AGMO: variants seen among roughly 807,000 people sequenced by gnomAD.
AGMO encodes the protein alkylglycerol monooxygenase.
In AGMO, 75 loss-of-function variants were observed where a neutral mutation model predicts 60.2. The ratio of observed to expected loss-of-function variants is 1.25; its 90% CI spans 1.03 to 1.51. The LOEUF (loss-of-function observed/expected upper bound fraction) is 1.51, where lower values mean the gene tolerates loss of function less well. Ranked by LOEUF, AGMO falls within the 40% of genes most tolerant of loss-of-function variation. The pLI is 0.00. For synonymous variants in AGMO, 261 were observed against 177.1 expected, an observed-to-expected ratio of 1.47 and a Z score of -3.76; for missense variants, 763 against 525.5, an observed-to-expected ratio of 1.45 and a Z score of -4.42.
At chr7:15,279,123 C>A (rs578084904) in intron 12 of AGMO, among the ~76,000 whole-genome samples, 1 of 152,224 alleles carries the variant, frequency 6.6e-6, no homozygotes, top group Admixed American at 6.5e-5. Context: ...TCAGGCAGCT[C>A]CCTGATTACT....
At chr7:15,197,929 T>C (rs905792333), downstream of AGMO, among the ~76,000 whole-genome samples, 5 of 152,164 alleles carry the variant, frequency 3.3e-5, no homozygotes, top group East Asian at 1.9e-4. Flanking sequence ...TGGTCACTTA[T>C]TACATTTCAT....
At chr7:15,266,343 A>G (rs866017478) in intron 12 of AGMO, among the ~76,000 whole-genome samples, 1 of 152,070 alleles carries the variant, frequency 6.6e-6, no homozygotes, top group Non-Finnish European at 1.5e-5. Context: ...ATTGAAATAA[A>G]CAAAAATTGT....
At chr7:15,416,027 C>CTTTTT (rs759040945) in intron 5 of AGMO, among the ~76,000 whole-genome samples, 23 of 130,890 alleles carry the variant, frequency 1.8e-4, no homozygotes, top group African/African-American at 2.5e-4. Context: ...TTCTTTTTTT[C>CTTTTT]TTTTTTTTTT....
intron 12 of AGMO, among the ~76,000 whole-genome samples, chr7:15,282,892 CT>C (rs1784008070): frequency 6.6e-6 from 1 of 152,168 alleles, no homozygotes; most frequent in Admixed American, 6.5e-5. Flanking sequence ...CAGCAGACTT[CT>C]CAGCAGAAAC....
In AGMO at chr7:15,394,120, A is replaced by T. The variant is rs761697067; in HGVS notation, c.669T>A (p.Val223=). 6.2e-7 allele frequency: 1 copy of T among 1,610,398 alleles called. No individual in the cohort carries two copies. Among genetic ancestry groups the T allele is most frequent in the Non-Finnish European group, 8.5e-7 (1 of 1,177,350 alleles). ...GAAACAAAACTTCCTTACCATGATG[A>T]ACCCTATGATGGCTAGGAGTATTAA... ...LILNTPSHHR[V]HHGRNRYCID... The change falls in exon 6 of 13, where the codon GTT becomes GTA. Residue 223 remains valine (V), a synonymous_variant. Coordinates refer to ENST00000342526, the MANE Select transcript of AGMO (RefSeq NM_001004320.2).
At chr7:15,535,072 G>A (rs930049051) in intron 3 of AGMO, among the ~76,000 whole-genome samples, 6 of 151,788 alleles carry the variant, frequency 4.0e-5, no homozygotes, top group African/African-American at 1.5e-4. Flanking sequence ...TACAGATAAG[G>A]AAACACAAAG....
chr7:15,148,866 G>T, the AGMO span, among the ~76,000 whole-genome samples: 2 of 152,048 alleles, frequency 1.3e-5, no homozygotes, highest in African/African-American at 4.8e-5. Flanking sequence ...TCAAATGGTG[G>T]TTCTATTTCT....
intron 12 of AGMO, among the ~76,000 whole-genome samples, chr7:15,342,203 A>G (rs1300791668): frequency 6.8e-6 from 1 of 147,776 alleles, no homozygotes; most frequent in African/African-American, 2.5e-5. Flanking sequence ...AAAAGGACTA[A>G]GTCCTGAAGC....
At chr7:15,389,700 C>G (rs1055251491) in intron 8 of AGMO, among the ~76,000 whole-genome samples, 11 of 152,130 alleles carry the variant, frequency 7.2e-5, no homozygotes, top group Admixed American at 2.0e-4. Context: ...AAGTTTACAG[C>G]TAACAAGTTT....
At chr7:15,550,421 A>G (rs1784917065) in intron 2 of AGMO, among the ~76,000 whole-genome samples, 1 of 152,154 alleles carries the variant, frequency 6.6e-6, no homozygotes, top group South Asian at 2.1e-4. Flanking sequence ...GACCGCTAGC[A>G]AGACTAATAA....
chr7:15,124,357 T>A, the AGMO span, among the ~76,000 whole-genome samples: 1 of 151,916 alleles, frequency 6.6e-6, no homozygotes, highest in Non-Finnish European at 1.5e-5. Context: ...GTGGCCAGAT[T>A]TTTTCCATAG....
chr7:15,216,580 A>G (rs1025637625), intron 12 of AGMO, among the ~76,000 whole-genome samples: 3 of 152,126 alleles, frequency 2.0e-5, no homozygotes, highest in Non-Finnish European at 4.4e-5. Flanking sequence ...AAGATTAAAG[A>G]ATAATGATAA....
the AGMO span, among the ~76,000 whole-genome samples, chr7:15,151,889 C>A: frequency 6.6e-6 from 1 of 152,156 alleles, no homozygotes; most frequent in Non-Finnish European, 1.5e-5. Flanking sequence ...ATCTATCTAA[C>A]ACTGTTAGTG....
chr7:15,462,231 C>T (rs1333466920), intron 3 of AGMO, among the ~76,000 whole-genome samples: 2 of 152,096 alleles, frequency 1.3e-5, no homozygotes, highest in Non-Finnish European at 2.9e-5. Flanking sequence ...GCATCACACA[C>T]TATTTTAGCT....
intron 12 of AGMO, among the ~76,000 whole-genome samples, chr7:15,234,874 T>C (rs545669820): frequency 6.6e-6 from 1 of 152,306 alleles, no homozygotes; most frequent in Non-Finnish European, 1.5e-5. Context: ...TTGTGTGCAG[T>C]ACAAAAACAA....
chr7:15,333,370 C>G (rs923271994), intron 12 of AGMO, among the ~76,000 whole-genome samples: 2 of 152,038 alleles, frequency 1.3e-5, no homozygotes, highest in African/African-American at 4.8e-5. Flanking sequence ...GTCTTAGAAA[C>G]ATCAAAGTCC....
intron 3 of AGMO, among the ~76,000 whole-genome samples, chr7:15,535,532 T>A (rs1784465324): frequency 6.6e-6 from 1 of 151,988 alleles, no homozygotes; most frequent in East Asian, 1.9e-4. Flanking sequence ...GGTCCATCAC[T>A]CTGTATTCCA....
At chr7:15,453,862 T>C (rs1439656978) in intron 3 of AGMO, among the ~76,000 whole-genome samples, 1 of 151,978 alleles carries the variant, frequency 6.6e-6, no homozygotes, top group African/African-American at 2.4e-5. Flanking sequence ...GTAGCCACTC[T>C]GAGTCTCAGG....
intron 12 of AGMO, among the ~76,000 whole-genome samples, chr7:15,321,700 T>C (rs1324978295): frequency 6.6e-6 from 1 of 152,048 alleles, no homozygotes; most frequent in Non-Finnish European, 1.5e-5. Flanking sequence ...AAAAATCAAA[T>C]TTAAATTTTA....
Sources: allele counts gnomAD v4.1 joint callset (sites outside exome capture counted in the v4.1 genomes callset), GRCh38; gene constraint gnomAD v4.1.1; transcripts MANE v1.5; gene names NCBI Gene and HGNC (gene_info 2026-07-23, HGNC 2026-07-21).